RAB7A: variants seen among roughly 807,000 people sequenced by gnomAD.
RAB7A encodes ras-related protein Rab-7a.
RAB7A carries 2 observed loss-of-function variants against 24.5 expected under a neutral mutation model. The ratio of observed to expected loss-of-function variants is 0.08; its 90% CI spans 0.03 to 0.26. The LOEUF (loss-of-function observed/expected upper bound fraction) is 0.26, where lower values mean the gene tolerates loss of function less well. RAB7A is among the 10% of genes least tolerant of loss of function. The probability of loss-of-function intolerance (pLI) is 1.00; values close to 1 mark genes in which losing one functional copy is unlikely to be tolerated. For synonymous variants in RAB7A, 100 were observed against 95.9 expected (o/e 1.04, Z -0.25); for missense variants, 118 against 255.7 (o/e 0.46, Z 3.67).
chr3:128,773,118 C>T (rs1200984118), intron 1 of RAB7A, among the ~76,000 whole-genome samples: 2 of 151,942 alleles, frequency 1.3e-5, no homozygotes, highest in Non-Finnish European at 2.9e-5. Context: ...CGCCTCTTCC[C>T]GGCCGCCATC....
chr3:128,779,154 C>T (rs1933159354), intron 1 of RAB7A, among the ~76,000 whole-genome samples: 1 of 152,152 alleles, frequency 6.6e-6, no homozygotes, highest in African/African-American at 2.4e-5. Flanking sequence ...TGGCTCACGC[C>T]TATAATCCCA....
chr3:128,760,372 A>G (rs925001280), intron 1 of RAB7A, among the ~76,000 whole-genome samples: 1 of 152,180 alleles, frequency 6.6e-6, no homozygotes, highest in African/African-American at 2.4e-5. Context: ...AATTCCTTGT[A>G]ATAACTGTCT....
chr3:128,755,523 T>A (rs1193091979), intron 1 of RAB7A, among the ~76,000 whole-genome samples: 1 of 151,692 alleles, frequency 6.6e-6, no homozygotes, highest in Non-Finnish European at 1.5e-5. Context: ...AATAGAAAAA[T>A]TCAGCAAATC....
intron 1 of RAB7A, among the ~76,000 whole-genome samples, chr3:128,728,940 T>C (rs1404284911): frequency 6.6e-6 from 1 of 152,220 alleles, no homozygotes; most frequent in Non-Finnish European, 1.5e-5. Context: ...AGTACCATTC[T>C]ACATAGAAAA....
chr3:128,746,219 C>T (rs111317349), intron 1 of RAB7A, among the ~76,000 whole-genome samples: 3,214 of 152,300 alleles, frequency 0.021, 52 homozygotes, highest in Non-Finnish European at 0.031. Context: ...CCTCTGTTCA[C>T]CATCAGTCTA....
chr3:128,788,210 G>A (rs1252807523), intron 1 of RAB7A, among the ~76,000 whole-genome samples: 1 of 152,126 alleles, frequency 6.6e-6, no homozygotes, highest in African/African-American at 2.4e-5. Context: ...ACTTAATAAT[G>A]GTCCCAAAGC....
intron 1 of RAB7A, among the ~76,000 whole-genome samples, chr3:128,767,029 C>T (rs1338127058): frequency 6.6e-6 from 1 of 151,868 alleles, no homozygotes; most frequent in African/African-American, 2.4e-5. Flanking sequence ...TTCTTTTGAC[C>T]ATCACTGGGG....
chr3:128,754,781 A>G (rs1435684745), intron 1 of RAB7A, among the ~76,000 whole-genome samples: 2 of 152,196 alleles, frequency 1.3e-5, no homozygotes, highest in Non-Finnish European at 2.9e-5. Context: ...TATACTTTAA[A>G]TCAAAAAAGT....
chr3:128,753,582 G>C (rs1371386747), intron 1 of RAB7A, among the ~76,000 whole-genome samples: 2 of 152,136 alleles, frequency 1.3e-5, no homozygotes, highest in Admixed American at 6.6e-5. Context: ...ACAGAAATTT[G>C]TTTCCCACAG....
intron 1 of RAB7A, among the ~76,000 whole-genome samples, chr3:128,726,830 C>T (rs1409909858): frequency 6.6e-6 from 1 of 152,228 alleles, no homozygotes; most frequent in African/African-American, 2.4e-5. Flanking sequence ...AACAGCCTGA[C>T]CCTGTTAGTG....
chr3:128,791,833 TCTGTATGGA>T (rs1165992656), intron 1 of RAB7A, among the ~76,000 whole-genome samples: 2 of 152,164 alleles, frequency 1.3e-5, no homozygotes, highest in Non-Finnish European at 2.9e-5. Context: ...TGAGCCATCT[TCTGTATGGA>T]CTCTTGCAAG....
intron 1 of RAB7A, among the ~76,000 whole-genome samples, chr3:128,743,400 C>G (rs1049524214): frequency 6.6e-6 from 1 of 152,270 alleles, no homozygotes; most frequent in African/African-American, 2.4e-5. Flanking sequence ...AAGGGGTCCT[C>G]AAGCATGGCC....
At chr3:128,734,002 T>C (rs1157064851) in intron 1 of RAB7A, among the ~76,000 whole-genome samples, 6 of 152,236 alleles carry the variant, frequency 3.9e-5, no homozygotes, top group Admixed American at 1.3e-4. Flanking sequence ...GCCATTTCTT[T>C]ATGGCACCAT....
intron 5 of RAB7A, among the ~76,000 whole-genome samples, chr3:128,810,370 A>G (rs546197904): frequency 1.3e-5 from 2 of 151,662 alleles, no homozygotes; most frequent in East Asian, 3.9e-4. Context: ...TTTTTTCCTC[A>G]TTGATTGCAG....
chr3:128,812,603 A>G (rs1409193808), intron 5 of RAB7A, among the ~76,000 whole-genome samples: 2 of 152,222 alleles, frequency 1.3e-5, no homozygotes, highest in Non-Finnish European at 2.9e-5. Flanking sequence ...CCTGCACCCA[A>G]AAGTAGAATG....
At chr3:128,738,664 T>A (rs1344776238) in intron 1 of RAB7A, among the ~76,000 whole-genome samples, 1 of 152,222 alleles carries the variant, frequency 6.6e-6, no homozygotes, top group Non-Finnish European at 1.5e-5. Context: ...GTGGATTTTG[T>A]ATATGTATCT....
At chr3:128,773,277 C>T (rs1455742453) in intron 1 of RAB7A, among the ~76,000 whole-genome samples, 1 of 151,756 alleles carries the variant, frequency 6.6e-6, no homozygotes, top group East Asian at 2.0e-4. Context: ...CCCCTCCACC[C>T]AGCAGCCGCC....
At chr3:128,781,124 A>G (rs572585964) in intron 1 of RAB7A, among the ~76,000 whole-genome samples, 3 of 152,370 alleles carry the variant, frequency 2.0e-5, no homozygotes, top group African/African-American at 7.2e-5. Flanking sequence ...CAACAAGGAC[A>G]TTAGACTCAT....
rs138115664 is a variant in RAB7A, at chr3:128,736,491, C to T, written c.-9+10132C>T. 9.2e-5 allele frequency among the ~76,000 whole-genome samples: 14 copies of T among 152,146 alleles called. No individual in the cohort carries two copies. The East Asian group carries it at 2.7e-3, about 29-fold the overall frequency. On this transcript the variant is annotated intron_variant, in intron 1 of 5. Transcript: ENST00000265062. ...ATAACCTCAAAGTGGTCAAAAAGAG[C>T]ATGGGTTTTCTAGAGGCTCTGCATC...
Sources: gnomAD v4.1 joint callset for allele counts (sites outside exome capture counted in the v4.1 genomes callset) on GRCh38, gnomAD v4.1.1 for gene constraint, MANE v1.5 for transcripts, NCBI Gene and HGNC (gene_info 2026-07-23, HGNC 2026-07-21) for gene names.